The following LRRK1 variants were observed in gnomAD, a reference collection of about 807,000 sequenced individuals.
The protein encoded by LRRK1 is leucine-rich repeat serine/threonine-protein kinase 1.
A neutral mutation model predicts 209.1 loss-of-function variants in LRRK1; 113 were observed. The observed-to-expected ratio is 0.54, with a 90% CI of 0.46 to 0.63. LRRK1 has a LOEUF of 0.63. Ranked by LOEUF, LRRK1 falls within the 30% of genes least tolerant of loss-of-function variation. The pLI is 0.00. For synonymous variants in LRRK1, 1,144 were observed against 1,099.7 expected, an observed-to-expected ratio of 1.04 and a Z score of -0.80; for missense variants, 2,284 against 2,632.2, an observed-to-expected ratio of 0.87 and a Z score of 2.89.
chr15:100,986,232 A>G (rs1046807413), intron 4 of LRRK1, among the ~76,000 whole-genome samples: 33 of 152,180 alleles, frequency 2.2e-4, no homozygotes. Flanking sequence ...AGAAGCAGCT[A>G]GAGAACAAAG....
chr15:101,059,636 C>T (rs1030879002), intron 29 of LRRK1, among the ~76,000 whole-genome samples: 44 of 148,898 alleles, frequency 3.0e-4, no homozygotes, highest in African/African-American at 9.6e-4. Flanking sequence ...GATGTAAAGT[C>T]GGGTAAGTAA....
intron 26 of LRRK1, among the ~76,000 whole-genome samples, chr15:101,053,634 C>G (rs997968300): frequency 3.9e-5 from 6 of 152,236 alleles, no homozygotes; most frequent in African/African-American, 1.4e-4. Flanking sequence ...AGCGCACACT[C>G]TGGAGTCGGC....
At chr15:101,056,608 C>A (rs189382398) in intron 27 of LRRK1, among the ~76,000 whole-genome samples, 243 of 151,626 alleles carry the variant, frequency 1.6e-3, no homozygotes, top group Non-Finnish European at 2.4e-3. Flanking sequence ...GGAAGACAAG[C>A]AAATGGATGG....
At chr15:101,052,496 C>T (rs539012403) in intron 24 of LRRK1, among the ~76,000 whole-genome samples, 2 of 152,150 alleles carry the variant, frequency 1.3e-5, no homozygotes, top group African/African-American at 2.4e-5. Flanking sequence ...GTAGCCCTAG[C>T]GCTGAGCCTT....
intron 30 of LRRK1, 86 bp downstream of exon 30, chr15:101,061,374 C>G: frequency 1.2e-6 from 1 of 863,638 alleles, no homozygotes; most frequent in African/African-American, 1.7e-5. Flanking sequence ...CATAAAAATA[C>G]AGGACGCCAG....
intron 2 of LRRK1, among the ~76,000 whole-genome samples, chr15:100,937,385 T>C (rs899339491): frequency 2.0e-5 from 3 of 152,280 alleles, no homozygotes; most frequent in African/African-American, 7.2e-5. Context: ...CCCTTTTTTA[T>C]TGGCCTCAGA....
chr15:101,058,308 G>A (rs972511405), intron 29 of LRRK1, among the ~76,000 whole-genome samples, 167 bp downstream of exon 29: 1 of 152,170 alleles, frequency 6.6e-6, no homozygotes, highest in East Asian at 1.9e-4. Context: ...GCAGAAGAAA[G>A]TCCACACAAA....
At chr15:100,993,103 TAAA>T (rs1055613927) in intron 6 of LRRK1, among the ~76,000 whole-genome samples, 2 of 152,318 alleles carry the variant, frequency 1.3e-5, no homozygotes, top group African/African-American at 4.8e-5. Context: ...GGAAAAGCAA[TAAA>T]ATACCTGTCT....
Position 101,056,801 on chromosome 15 carries a change from T to C in LRRK1, c.4333-55T>C, listed in dbSNP as rs576934613. On this transcript the variant is annotated intron_variant, in intron 27 of 33. Transcript: ENST00000388948. ...CTGGTCCCTCCACCTGAGGGCCACC[T>C]TGTGAAGGCCACTGGGCCCAGGCAG... 2.8e-5 allele frequency: 40 copies of C among 1,454,164 alleles called. No individual in the cohort carries two copies. In the East Asian group the frequency reaches 9.0e-4, roughly 33 times the overall value. 90.1% of individuals were successfully genotyped at this position (1,454,164 alleles called of 1,614,324 possible). A position where few individuals can be genotyped will look rare whatever the true frequency, so the allele number is the denominator to read the frequency against.
chr15:101,009,032 G>A lies in LRRK1; in HGVS notation c.958G>A (p.Val320Met), dbSNP rs376445041. 93 of 1,614,040 alleles carry A rather than the reference G, an allele frequency of 5.8e-5. No individual in the cohort carries two copies. The highest frequency in any genetic ancestry group is 6.7e-5 in the Non-Finnish European group (79 of 1,180,022). ...CAACCACCTGGGGGAGCTGCCTGGC[G>A]TGCAGTCATCGGACGAAATCATCTG... Reference protein sequence around the residue: ...SDNHLGELPGVQSSDEIICSR... With the variant: ...SDNHLGELPGMQSSDEIICSR... The change falls in exon 7 of 34, where the codon GTG becomes ATG. Residue 320 changes from valine to methionine, a missense_variant. This residue lies in a region of LRRK1 where 494 missense variants were observed against 522.1 expected (regional missense o/e 0.95). Coordinates refer to ENST00000388948, the MANE Select transcript of LRRK1 (RefSeq NM_024652.6).
intron 20 of LRRK1, among the ~76,000 whole-genome samples, chr15:101,030,725 G>A (rs1052750951): frequency 2.0e-5 from 3 of 152,068 alleles, no homozygotes; most frequent in Admixed American, 6.5e-5. Context: ...TTTCCTCCTT[G>A]TGACACCCAT....
intron 10 of LRRK1, 71 bp downstream of exon 10, chr15:101,012,216 G>A: frequency 3.8e-6 from 5 of 1,311,574 alleles, no homozygotes; most frequent in South Asian, 1.4e-5. Context: ...GCAGTGAAAT[G>A]TATGTGCTTT....
chr15:100,956,455 C>CTTTTTTTTTTTTTTTTT (rs776326423), intron 2 of LRRK1, among the ~76,000 whole-genome samples: 1 of 60,534 alleles, frequency 1.7e-5, no homozygotes, highest in African/African-American at 8.5e-5. Context: ...TTTTTTTTTT[C>CTTTTTTTTTTTTTTTTT]TTTTTTTTTT....
chr15:100,991,612 T>A (rs970656966), intron 6 of LRRK1, among the ~76,000 whole-genome samples: 8 of 152,210 alleles, frequency 5.3e-5, no homozygotes, highest in Non-Finnish European at 7.4e-5. Flanking sequence ...AATGTAGTTT[T>A]TACTAGAATT....
intron 2 of LRRK1, among the ~76,000 whole-genome samples, chr15:100,964,388 T>G (rs1322856875): frequency 6.6e-6 from 1 of 152,176 alleles, no homozygotes; most frequent in Non-Finnish European, 1.5e-5. Flanking sequence ...AGAAGCATCC[T>G]TCCAGTGGAA....
rs771827377 is a variant in LRRK1, at chr15:101,049,788, G to A, written c.3439+5G>A. 2.5e-6 allele frequency: 4 copies of A among 1,611,894 alleles called. No individual in the cohort carries two copies. The highest frequency in any genetic ancestry group is 3.3e-5 in the Admixed American group (2 of 59,710). On this transcript the variant is annotated splice_donor_5th_base_variant and intron_variant, in intron 23 of 33. Transcript: ENST00000388948. ...TGATTGATCAGTGGTTTCCCGGTAA[G>A]AGGAGATGCTAGAAGCAAGCCCTCA...
At chr15:101,003,837 T>C (rs1322586920) in intron 6 of LRRK1, among the ~76,000 whole-genome samples, 2 of 152,126 alleles carry the variant, frequency 1.3e-5, no homozygotes, top group African/African-American at 4.8e-5. Context: ...GTACTTCCCA[T>C]GTTGTCCTCC....
chr15:100,932,249 G>C (rs1311310477), intron 2 of LRRK1, among the ~76,000 whole-genome samples: 1 of 152,196 alleles, frequency 6.6e-6, no homozygotes, highest in Non-Finnish European at 1.5e-5. Context: ...GCCTCCCAAA[G>C]TGCTGAGATT....
At position 100,973,891 on chromosome 15, in the gene LRRK1, A is replaced by G. The variant is rs918823575; in HGVS notation, c.185A>G (p.Tyr62Cys). 35 of 1,275,802 alleles carry G rather than the reference A, an allele frequency of 2.7e-5. No homozygotes were observed. Among genetic ancestry groups the G allele is most frequent in the Non-Finnish European group, 3.3e-5 (33 of 1,005,744 alleles). The allele number at this position is 1,275,802 out of a possible 1,614,324, so 79.0% of individuals were successfully genotyped here. ...SRRTEGIRAA[Y>C]RRGDRGGARD... Reference sequence around the variant, plus strand: ...AGGACGGAAGGCATCCGCGCCGCGTACAGGCGGGGAGACCGCGGCGGCGCC... The same window carrying G: ...AGGACGGAAGGCATCCGCGCCGCGTGCAGGCGGGGAGACCGCGGCGGCGCC... The change falls in exon 3 of 34, where the codon TAC becomes TGC. Residue 62 changes from tyrosine (Y) to cysteine (C), a missense_variant. Transcript: ENST00000388948.
Sources: gnomAD v4.1 joint callset for allele counts (sites outside exome capture counted in the v4.1 genomes callset) on GRCh38, gnomAD v4.1.1 for gene constraint, gnomAD v4.1.1 regional missense constraint, MANE v1.5 for transcripts, NCBI Gene and HGNC (gene_info 2026-07-23, HGNC 2026-07-21) for gene names.